The following PRL variants were observed in gnomAD, a reference collection of about 807,000 sequenced individuals.
The protein encoded by PRL is decidual prolactin.
A neutral mutation model predicts 21.3 loss-of-function variants in PRL; 24 were observed. The observed-to-expected ratio is 1.13, with a 90% CI of 0.82 to 1.59. The LOEUF (loss-of-function observed/expected upper bound fraction) is 1.59, where lower values mean the gene tolerates loss of function less well. PRL is among the 40% of genes most tolerant of loss of function. The pLI is 0.00. For synonymous variants in PRL, 118 were observed against 115.7 expected, an observed-to-expected ratio of 1.02 and a Z score of -0.13; for missense variants, 243 against 286.9, an observed-to-expected ratio of 0.85 and a Z score of 1.10.
rs1561753175 is a variant in PRL at position 22,288,919 on chromosome 6, CGT to C, written c.492+1253_492+1254del. On this transcript the variant is annotated intron_variant, in intron 4 of 4. Transcript: ENST00000306482. This position sits in a 1 kb window ranked among gnomAD's most constrained non-coding sequence, Gnocchi z 4.5. ...GCGTGTGTGCGCGCGCGTGTGTGTG[CGT>C]GCGCGTGTGTGTGCATGTGTGTGTG... 1.3e-3 allele frequency among the ~76,000 whole-genome samples: 188 copies of C among 150,182 alleles called. No individual in the cohort carries two copies. The highest frequency in any genetic ancestry group is 4.0e-3 in the African/African-American group (163 of 40,780).
chr6:22,295,515 G>A (rs1370640214), intron 1 of PRL, among the ~76,000 whole-genome samples: 1 of 152,096 alleles, frequency 6.6e-6, no homozygotes, highest in Non-Finnish European at 1.5e-5. Flanking sequence ...GCCTTTGATT[G>A]ATTACATCAC....
Position 22,294,518 on chromosome 6 carries a change from C to T in PRL, c.95G>A (p.Cys32Tyr). The change falls in exon 2 of 5, where the codon TGT becomes TAT. Residue 32 changes from cysteine (C) to tyrosine (Y), a missense_variant. Cys to Tyr is a radical substitution (Grantham distance 194, BLOSUM62 -2). Transcript: ENST00000306482. ...CTGGCATCGGGCAGCCCCGCCGGGA[C>T]AGATGGGCAAGGGGGCCACGCTCTG... ...LCQSVAPLPICPGGAARCQVT... is the reference protein window; with the variant it reads ...LCQSVAPLPIYPGGAARCQVT... 1 of 1,614,018 alleles carries T rather than the reference C, an allele frequency of 6.2e-7. No individual in the cohort carries two copies. Among genetic ancestry groups the T allele is most frequent in the South Asian group, 1.1e-5 (1 of 91,058 alleles).
intron 2 of PRL, among the ~76,000 whole-genome samples, chr6:22,293,578 G>A (rs1168130787): frequency 1.4e-5 from 2 of 146,204 alleles, no homozygotes; most frequent in Admixed American, 7.0e-5. Flanking sequence ...AGAAAAGAAA[G>A]GGAGGAAGGA....
upstream of PRL, among the ~76,000 whole-genome samples, chr6:22,299,403 A>T (rs769644770): frequency 6.6e-6 from 1 of 152,228 alleles, no homozygotes; most frequent in Non-Finnish European, 1.5e-5. Flanking sequence ...TTTCTAAAGA[A>T]CGCTAGTTTT....
At chr6:22,292,179 T>C (rs574360797) in intron 3 of PRL, among the ~76,000 whole-genome samples, 1 of 152,308 alleles carries the variant, frequency 6.6e-6, no homozygotes, top group Admixed American at 6.5e-5. Context: ...ATGTAATAAA[T>C]AAAACTGCAT....
Position 22,287,389 on chromosome 6 carries a change from A to C in PRL, c.*13T>G. 1.2e-6 allele frequency: 2 copies of C among 1,600,172 alleles called. No homozygotes were observed. Among genetic ancestry groups the C allele is most frequent in the Non-Finnish European group, 1.7e-6 (2 of 1,169,440 alleles). ...TAAGGACCTTCTCAGAAATAGATGA[A>C]ATGGATGTGGGCTTAGCAGTTGTTG... On this transcript the variant is annotated 3_prime_UTR_variant, in exon 5 of 5. Transcript: ENST00000306482.
rs763926076 is a variant in PRL, at chr6:22,292,620, C to A, written c.230G>T (p.Gly77Val). Residue 77 changes from glycine to valine, a missense_variant, in exon 3 of 5, where the codon GGG becomes GTG. Transcript: ENST00000306482. ...EFDKRYTHGRGFITKAINSCH... is the reference protein window; with the variant it reads ...EFDKRYTHGRVFITKAINSCH... ...GCTGTTGATGGCCTTGGTAATGAAC[C>A]CCCGGCCATGGGTATACCGTTTATC... 6.2e-7 allele frequency: 1 copy of A among 1,613,910 alleles called. No individual in the cohort carries two copies. The highest frequency in any genetic ancestry group is 1.1e-5 in the South Asian group (1 of 91,044).
Position 22,292,755 on chromosome 6 carries a change from A to G in PRL, c.205-110T>C, listed in dbSNP as rs1292360966. 6.2e-6 allele frequency: 5 copies of G among 809,148 alleles called. No individual in the cohort carries two copies. The African/African-American group carries it at 8.9e-5, about 14-fold the overall frequency. The allele number at this position is 809,148 out of a possible 1,614,324, so 50.1% of individuals were successfully genotyped here. A position where few individuals can be genotyped will look rare whatever the true frequency, so the allele number is the denominator to read the frequency against. ...GGCAGATGTGTAATTTTAAAAAATTAGAGCTACATAAAAATGAAAACTAAA... is the reference window on the plus strand; with the variant it reads ...GGCAGATGTGTAATTTTAAAAAATTGGAGCTACATAAAAATGAAAACTAAA... On this transcript the variant is annotated intron_variant, in intron 2 of 4. Coordinates refer to ENST00000306482, the MANE Select transcript of PRL (RefSeq NM_000948.6).
chr6:22,290,556 C>T (rs1019936579), intron 3 of PRL, among the ~76,000 whole-genome samples: 9 of 151,828 alleles, frequency 5.9e-5, no homozygotes, highest in African/African-American at 1.9e-4. Context: ...AAAAAAAATC[C>T]GGCTTATTTC....
At chr6:22,293,673 GGGAAGGAAGGAAAAAAGGAA>G (rs1490213899) in intron 2 of PRL, among the ~76,000 whole-genome samples, 5 of 29,362 alleles carry the variant, frequency 1.7e-4, no homozygotes, top group African/African-American at 3.8e-4. Flanking sequence ...GAAGGAAGGA[GGGAAGGAAGGAAAAAAGGAA>G]GGAAGGAAGG....
chr6:22,295,155 C>T (rs563811950), intron 1 of PRL, among the ~76,000 whole-genome samples: 1 of 152,098 alleles, frequency 6.6e-6, no homozygotes, highest in Non-Finnish European at 1.5e-5. Flanking sequence ...TCTGCTAACT[C>T]GTAATAGTCC....
At chr6:22,294,388 A>G (rs1379000797) in intron 2 of PRL, 21 bp downstream of exon 2, 1 of 1,613,578 alleles carries the variant, frequency 6.2e-7, no homozygotes. Flanking sequence ...TCAGGGAGGA[A>G]GCCAGAAGCA....
chr6:22,302,234 G>A (rs1196991101), upstream of PRL, among the ~76,000 whole-genome samples: 1 of 151,428 alleles, frequency 6.6e-6, no homozygotes, highest in Non-Finnish European at 1.5e-5. Flanking sequence ...AAAACAGATC[G>A]TAAACCTTTT....
At position 22,287,473 on chromosome 6, in the gene PRL, T is replaced by C. The variant is rs1760945778; in HGVS notation, c.613A>G (p.Arg205Gly). 1 of 1,614,182 alleles carries C rather than the reference T, an allele frequency of 6.2e-7. No individual in the cohort carries two copies. Among genetic ancestry groups the C allele is most frequent in the Non-Finnish European group, 8.5e-7 (1 of 1,180,008 alleles). The change falls in exon 5 of 5, where the codon AGG (arginine) becomes GGG (glycine). Residue 205 changes from arginine to glycine, a missense_variant. Physicochemically the swap from Arg to Gly is moderately radical, Grantham distance 125 (BLOSUM62 -2). Coordinates refer to ENST00000306482, the MANE Select transcript of PRL (RefSeq NM_000948.6). ...TAATTGTCGATTTTATGTGAATCCCTGCGTAGGCAGTGGAGCAGGTTATAA... is the reference window on the plus strand; with the variant it reads ...TAATTGTCGATTTTATGTGAATCCCCGCGTAGGCAGTGGAGCAGGTTATAA... ...AYYNLLHCLR[R>G]DSHKIDNYLK...
In PRL at chr6:22,294,529, G is replaced by C. The variant is rs1335015970; in HGVS notation, c.84C>G (p.Pro28=). ...SNLLLCQSVA[P]LPICPGGAAR... ...CAGCCCCGCCGGGACAGATGGGCAA[G>C]GGGGCCACGCTCTGGCACAGGAGCA... The change falls in exon 2 of 5, where the codon CCC becomes CCG. Residue 28 remains proline (P), a synonymous_variant. Transcript: ENST00000306482. 13 of 1,613,734 alleles carry C rather than the reference G, an allele frequency of 8.1e-6. No individual in the cohort carries two copies. Among genetic ancestry groups the C allele is most frequent in the Middle Eastern group, 1.7e-4 (1 of 6,004 alleles).
chr6:22,291,190 C>T (rs73389166), intron 3 of PRL, among the ~76,000 whole-genome samples: 1 of 152,098 alleles, frequency 6.6e-6, no homozygotes, highest in Non-Finnish European at 1.5e-5. Context: ...AATAAATGGA[C>T]ATTGCAATGG....
upstream of PRL, among the ~76,000 whole-genome samples, chr6:22,298,347 T>A (rs1267531756): frequency 1.3e-5 from 2 of 152,240 alleles, no homozygotes; most frequent in Non-Finnish European, 2.9e-5. Context: ...TGACTTTCTC[T>A]AATTTTTAAG....
upstream of PRL, chr6:22,297,165 C>A: frequency 3.3e-6 from 2 of 611,124 alleles, no homozygotes. Flanking sequence ...TAATTTCAAA[C>A]ATCAAATGGT....
chr6:22,292,810 T>TC (rs964689176), intron 2 of PRL, among the ~76,000 whole-genome samples, 165 bp from the exon 3 acceptor site: 23 of 151,928 alleles, frequency 1.5e-4, no homozygotes, highest in African/African-American at 5.6e-4. Context: ...TTCGCCTACT[T>TC]CCCCCCCATT....
Sources: allele counts gnomAD v4.1 joint callset (sites outside exome capture counted in the v4.1 genomes callset), GRCh38; gene constraint gnomAD v4.1.1; non-coding constraint Gnocchi (gnomAD v3.1); transcripts MANE v1.5; gene names NCBI Gene and HGNC (gene_info 2026-07-23, HGNC 2026-07-21).